The following KIF23 variants were observed in gnomAD, a reference collection of about 807,000 sequenced individuals.
KIF23 encodes the protein kinesin family member 23, also known as kinesin-like protein KIF23.
KIF23 carries 30 observed loss-of-function variants against 137.5 expected under a neutral mutation model. The observed-to-expected ratio is 0.22, with a 90% confidence interval of 0.16 to 0.30. KIF23 has a LOEUF of 0.30. Among genes scored for constraint, KIF23 ranks in the 10% least tolerant of loss-of-function variants. KIF23 has a pLI of 1.00. For missense variants in KIF23, 920 were observed against 1,194.3 expected, an observed-to-expected ratio of 0.77 and a Z score of 3.38; for synonymous variants, 367 against 391.1, an observed-to-expected ratio of 0.94 and a Z score of 0.73.
At chr15:69,436,095 A>T in intron 13 of KIF23, 43 bp from the exon 14 acceptor site, 1 of 1,596,648 alleles carries the variant, frequency 6.3e-7, no homozygotes, top group Non-Finnish European at 8.5e-7. Flanking sequence ...TGGGACTTGG[A>T]TATCCTTATT....
At chr15:69,430,304 G>T (rs112148685) in intron 11 of KIF23, among the ~76,000 whole-genome samples, 1 of 152,214 alleles carries the variant, frequency 6.6e-6, no homozygotes, top group African/African-American at 2.4e-5. Flanking sequence ...ATAGATGTAT[G>T]CAGTGTGATC....
rs1308202757 is a variant in KIF23, at chr15:69,416,749, G to T, written c.82-634G>T. On this transcript the variant is annotated intron_variant, in intron 2 of 23. Coordinates refer to ENST00000679126, the MANE Select transcript of KIF23 (RefSeq NM_001367805.3). ...GCGGGTGGATCACCTGAGGTCAGGAGTTCGAGACCAGCCTGGCCAACATGG... is the reference window on the plus strand; with the variant it reads ...GCGGGTGGATCACCTGAGGTCAGGATTTCGAGACCAGCCTGGCCAACATGG... Among the ~76,000 whole-genome samples, 3 of 152,170 alleles carry T rather than the reference G, an allele frequency of 2.0e-5. No homozygotes were observed. In the East Asian group the frequency reaches 5.8e-4, roughly 29 times the overall value.
intron 19 of KIF23, among the ~76,000 whole-genome samples, chr15:69,443,079 T>A (rs1189085754): frequency 6.6e-6 from 1 of 152,190 alleles, no homozygotes; most frequent in Non-Finnish European, 1.5e-5. Context: ...TGTTCAACAT[T>A]AAATAAATCA....
At chr15:69,425,512 C>T (rs926698591) in intron 8 of KIF23, among the ~76,000 whole-genome samples, 189 bp downstream of exon 8, 6 of 152,112 alleles carry the variant, frequency 3.9e-5, no homozygotes, top group African/African-American at 1.4e-4. Flanking sequence ...ATGTCTCTAC[C>T]CTCACCATTC....
At chr15:69,426,816 T>C (rs2057205610) in intron 10 of KIF23, among the ~76,000 whole-genome samples, 1 of 152,246 alleles carries the variant, frequency 6.6e-6, no homozygotes, top group Non-Finnish European at 1.5e-5. Flanking sequence ...TCTACATCTA[T>C]AGATTCAACC....
At chr15:69,423,379 C>T in intron 7 of KIF23, 50 bp downstream of exon 7, 1 of 1,299,192 alleles carries the variant, frequency 7.7e-7, no homozygotes, top group Non-Finnish European at 1.0e-6. Flanking sequence ...GGGGAAGTTA[C>T]TTTGCCTCAA....
At position 69,445,071 on chromosome 15, in the gene KIF23, A is replaced by G. The variant is rs759535545; in HGVS notation, c.2673+30A>G. ...AAAACTAATTTTCACAGGAGAAAAA[A>G]ATATATTTAAAAATTCAACAAAAGT... On this transcript the variant is annotated intron_variant, in intron 20 of 23. Coordinates refer to ENST00000679126, the MANE Select transcript of KIF23 (RefSeq NM_001367805.3). The G allele has an allele frequency of 3.2e-6, 5 of 1,577,770 alleles. No homozygotes were observed. The South Asian group carries it at 5.8e-5, about 18-fold the overall frequency.
At position 69,435,454 on chromosome 15, in the gene KIF23, AATGGCGTCTATGT is replaced by A. The variant is rs1411383219; in HGVS notation, c.1115-26_1115-14del. The A allele has an allele frequency of 1.3e-6, 2 of 1,563,786 alleles. No individual in the cohort carries two copies. The highest frequency in any genetic ancestry group is 2.7e-5 in the African/African-American group (2 of 73,538). On this transcript the variant is annotated splice_polypyrimidine_tract_variant and intron_variant, in intron 11 of 23. Transcript: ENST00000679126. Reference sequence around the variant, plus strand: ...TTTAGCTACTATACTGTTGTTCTGAAATGGCGTCTATGTATTTTTTTCTGTCAGGTAATATTAA... The same window carrying A: ...TTTAGCTACTATACTGTTGTTCTGAAATTTTTTTCTGTCAGGTAATATTAA...
At position 69,444,738 on chromosome 15, in the gene KIF23, T is replaced by C. The variant is rs777329604; in HGVS notation, c.2422-52T>C. The C allele has an allele frequency of 6.3e-7, 1 of 1,581,400 alleles. No homozygotes were observed. The highest frequency in any genetic ancestry group is 1.1e-5 in the South Asian group (1 of 88,042). On this transcript the variant is annotated intron_variant, in intron 19 of 23. Transcript: ENST00000679126. The surrounding 1 kb of genome is among the most constrained non-coding windows in gnomAD (Gnocchi z 4.2). The stretch of plus-strand genomic sequence containing the variant: ...CATCAACTAATGTAGCCAAACCTGC[T>C]GCACTTCTAATAATACCCTTAAATT...
At chr15:69,418,160 CTT>C (rs1310877892) in intron 3 of KIF23, among the ~76,000 whole-genome samples, 1 of 152,216 alleles carries the variant, frequency 6.6e-6, no homozygotes, top group East Asian at 1.9e-4. Context: ...GTCACTCACT[CTT>C]TTGTGCCTAC....
rs745801643 is a variant in KIF23, at chr15:69,436,176, A to G, written c.1353A>G (p.Glu451=). The G allele has an allele frequency of 6.2e-7, 1 of 1,613,844 alleles. No homozygotes were observed. Among genetic ancestry groups the G allele is most frequent in the African/African-American group, 1.3e-5 (1 of 74,908 alleles). The part of the protein sequence containing the change: ...MRFAEVTQEV[E]VARPVDKAIC... ...TTGCGGAAGTGACTCAAGAAGTTGA[A>G]GTAGCAAGACCTGTAGACAAGGCAA... Residue 451 remains glutamate, a synonymous_variant, in exon 14 of 24, where the codon GAA becomes GAG. Transcript: ENST00000679126.
intron 15 of KIF23, 123 bp downstream of exon 15, chr15:69,436,845 C>T (rs1471678988): frequency 5.5e-6 from 3 of 548,734 alleles, no homozygotes; most frequent in South Asian, 3.8e-5. Flanking sequence ...ACCTCCGCCT[C>T]CTGGGTTCAA....
In KIF23 at chr15:69,441,590, A is replaced by G. The variant is rs563852868; in HGVS notation, c.2421+511A>G. Among the ~76,000 whole-genome samples the G allele has an allele frequency of 1.4e-4, 22 of 152,268 alleles. No individual in the cohort carries two copies. The Middle Eastern group carries it at 0.01, about 71-fold the overall frequency. On this transcript the variant is annotated intron_variant, in intron 19 of 23. Coordinates refer to ENST00000679126, the MANE Select transcript of KIF23 (RefSeq NM_001367805.3). ...TTACCAATTGTTACTTGATATAGAT[A>G]TGTAAACCTTTTTCCCCTAAGCCTT... is the stretch of plus-strand genomic sequence containing the variant.
At chr15:69,425,409 T>G in intron 8 of KIF23, 86 bp downstream of exon 8, 1 of 1,180,976 alleles carries the variant, frequency 8.5e-7, no homozygotes, top group Admixed American at 2.0e-5. Context: ...GCATGTAGGT[T>G]ATTTTCCATT....
chr15:69,437,006 C>T (rs775511780), intron 15 of KIF23, among the ~76,000 whole-genome samples: 2 of 152,132 alleles, frequency 1.3e-5, no homozygotes, highest in African/African-American at 2.4e-5. Context: ...CCGCCTGCCT[C>T]GGCCTCCTAA....
At chr15:69,428,445 T>A (rs2057261387) in intron 10 of KIF23, among the ~76,000 whole-genome samples, 1 of 150,970 alleles carries the variant, frequency 6.6e-6, no homozygotes, top group Non-Finnish European at 1.5e-5. Flanking sequence ...TCAACTGAGG[T>A]CAGGAGTTCG....
chr15:69,424,966 C>T (rs963783301), intron 7 of KIF23, among the ~76,000 whole-genome samples: 4 of 152,204 alleles, frequency 2.6e-5, no homozygotes, highest in South Asian at 4.1e-4. Context: ...AGGATCATAT[C>T]TTGGCTTTAT....
chr15:69,426,554 G>A, intron 10 of KIF23, 97 bp downstream of exon 10: 1 of 1,371,050 alleles, frequency 7.3e-7, no homozygotes, highest in Non-Finnish European at 1.0e-6. Flanking sequence ...CCTGTCTCGA[G>A]TAAAATTGGA....
chr15:69,422,283 T>TA (rs1369684169), intron 5 of KIF23, 43 bp from the exon 6 acceptor site: 1 of 1,465,258 alleles, frequency 6.8e-7, no homozygotes, highest in East Asian at 2.3e-5. Flanking sequence ...AGTTAAATTC[T>TA]AAAAAACGTG....
Sources: allele counts gnomAD v4.1 joint callset (sites outside exome capture counted in the v4.1 genomes callset), GRCh38; gene constraint gnomAD v4.1.1; non-coding constraint Gnocchi (gnomAD v3.1); transcripts MANE v1.5; gene names NCBI Gene and HGNC (gene_info 2026-07-23, HGNC 2026-07-21).